CASR: variants seen among roughly 807,000 people sequenced by gnomAD.
CASR encodes extracellular calcium-sensing receptor.
Under a neutral mutation model 69.1 loss-of-function variants are expected in CASR, and 23 were observed. The observed-to-expected ratio is 0.33, with a 90% CI of 0.24 to 0.47. CASR has a LOEUF of 0.47. Ranked by LOEUF, CASR falls within the 20% of genes least tolerant of loss-of-function variation. The pLI is 1.00. For missense variants in CASR, 924 were observed against 1,356.1 expected, an observed-to-expected ratio of 0.68 and a Z score of 5.00; for synonymous variants, 541 against 544.7, an observed-to-expected ratio of 0.99 and a Z score of 0.10.
At chr3:122,228,588 T>G (rs757678696) in intron 1 of CASR, among the ~76,000 whole-genome samples, 2 of 152,196 alleles carry the variant, frequency 1.3e-5, no homozygotes, top group African/African-American at 4.8e-5. Flanking sequence ...TGGCTGGAAT[T>G]AGGAGCCTAA....
Position 122,291,093 on chromosome 3 carries a change from T to A in CASR, c.*5902T>A, listed in dbSNP as rs774130015. On this transcript the variant is annotated 3_prime_UTR_variant, in exon 7 of 7. Coordinates refer to ENST00000639785, the MANE Select transcript of CASR (RefSeq NM_000388.4). ...TTTATGGCTGCATAGTATTCCATGG[T>A]GTATATGTGCCACATTTTCTTAATC... 6.9e-6 allele frequency: 1 copy of A among 144,904 alleles called. No homozygotes were observed. The highest frequency in any genetic ancestry group is 3.5e-3 in the Middle Eastern group (1 of 284). The allele number at this position is 144,904 out of a possible 1,614,324, so 9.0% of individuals were successfully genotyped here.
chr3:122,211,117 C>T (rs1460031018), intron 1 of CASR, among the ~76,000 whole-genome samples: 1 of 152,116 alleles, frequency 6.6e-6, no homozygotes, highest in East Asian at 1.9e-4. Context: ...AAATTTAAAA[C>T]CTAAAACTAT....
chr3:122,260,030 T>A (rs1355726928), intron 3 of CASR, among the ~76,000 whole-genome samples: 4 of 152,196 alleles, frequency 2.6e-5, no homozygotes, highest in African/African-American at 4.8e-5. Flanking sequence ...AAATTCCATT[T>A]GTGTAAAAAT....
intron 1 of CASR, among the ~76,000 whole-genome samples, chr3:122,252,409 A>AG (rs1553765626): frequency 1.5e-4 from 1 of 6,474 alleles, no homozygotes; most frequent in Non-Finnish European, 3.8e-4. Context: ...GAAGGAAGGA[A>AG]AAAGAAAGAA....
At chr3:122,259,631 T>A (rs1412502898) in intron 3 of CASR, among the ~76,000 whole-genome samples, 1 of 145,324 alleles carries the variant, frequency 6.9e-6, no homozygotes, top group South Asian at 2.3e-4. Context: ...ATTGGAAATT[T>A]TTTTTTTTTT....
chr3:122,282,030 T>A (rs2074894611), intron 5 of CASR, 83 bp from the exon 6 acceptor site: 7 of 1,601,820 alleles, frequency 4.4e-6, no homozygotes, highest in Admixed American at 1.7e-5. Flanking sequence ...AACTCCTCCC[T>A]CTTACATGTT....
intron 1 of CASR, among the ~76,000 whole-genome samples, chr3:122,185,888 C>T (rs1015733733): frequency 6.6e-6 from 1 of 152,142 alleles, no homozygotes; most frequent in African/African-American, 2.4e-5. Context: ...CAGGCCAAGA[C>T]CCTTGAGTAG....
chr3:122,241,696 A>G (rs1251794169), intron 1 of CASR, among the ~76,000 whole-genome samples: 1 of 152,160 alleles, frequency 6.6e-6, no homozygotes, highest in East Asian at 1.9e-4. Flanking sequence ...GTACCCTGAT[A>G]CCAAAACCAG....
chr3:122,202,047 C>T (rs1045853023), intron 1 of CASR, among the ~76,000 whole-genome samples: 2 of 152,224 alleles, frequency 1.3e-5, no homozygotes, highest in African/African-American at 4.8e-5. Context: ...AATCTCGGCA[C>T]TTTGGGAGGC....
At chr3:122,246,652 G>T (rs1353923928) in intron 1 of CASR, 2 of 152,204 alleles carry the variant, frequency 1.3e-5, no homozygotes, top group Admixed American at 6.5e-5. Context: ...TAAATATTCA[G>T]ATTTTTTACA....
At chr3:122,221,145 C>T (rs2074165758) in intron 1 of CASR, among the ~76,000 whole-genome samples, 1 of 152,104 alleles carries the variant, frequency 6.6e-6, no homozygotes, top group South Asian at 2.1e-4. Flanking sequence ...CTAATTATTT[C>T]CAAATATTGG....
At chr3:122,228,802 G>A (rs920380987) in intron 1 of CASR, among the ~76,000 whole-genome samples, 9 of 152,164 alleles carry the variant, frequency 5.9e-5, no homozygotes, top group Non-Finnish European at 1.2e-4. Flanking sequence ...GTTGAAAGGG[G>A]AAGCTGAGAA....
At position 122,234,455 on chromosome 3, in the gene CASR, A is replaced by C. The variant is rs554614300; in HGVS notation, c.-242-19493A>C. Among the ~76,000 whole-genome samples, 17 of 152,340 alleles carry C rather than the reference A, an allele frequency of 1.1e-4. 1 individual carries two copies. In the South Asian group the frequency reaches 3.5e-3, roughly 32 times the overall value. ...TAATAACCTTTGCCCATTACTTTCT[A>C]AAGAGCTTACTTCTCATTAGACAGA... On this transcript the variant is annotated intron_variant, in intron 1 of 6. Transcript: ENST00000639785.
At chr3:122,234,737 A>G (rs373355779) in intron 1 of CASR, among the ~76,000 whole-genome samples, 128 of 152,340 alleles carry the variant, frequency 8.4e-4, no homozygotes, top group African/African-American at 2.7e-3. Context: ...ATGTGGACTA[A>G]TCCAACTTCA....
chr3:122,283,586 GA>G (rs1165518411), intron 6 of CASR, 100 bp from the exon 7 acceptor site: 40 of 906,374 alleles, frequency 4.4e-5, no homozygotes, highest in Non-Finnish European at 6.2e-5. Flanking sequence ...AATATGTAGT[GA>G]CCACATCCAA....
At chr3:122,266,051 T>G (rs1210496762) in intron 4 of CASR, among the ~76,000 whole-genome samples, 1 of 152,134 alleles carries the variant, frequency 6.6e-6, no homozygotes, top group African/African-American at 2.4e-5. Context: ...CTTCATTATC[T>G]TGTTCATTAT....
intron 5 of CASR, among the ~76,000 whole-genome samples, chr3:122,280,342 G>A (rs1356005446): frequency 1.3e-5 from 2 of 152,272 alleles, no homozygotes; most frequent in East Asian, 3.9e-4. Flanking sequence ...CATAATATTG[G>A]AAGTTCTGGC....
At chr3:122,186,071 A>G (rs2073780063) in intron 1 of CASR, among the ~76,000 whole-genome samples, 1 of 149,678 alleles carries the variant, frequency 6.7e-6, no homozygotes, top group Non-Finnish European at 1.5e-5. Context: ...CAAATCAACC[A>G]GTTTTTGTCT....
intron 1 of CASR, among the ~76,000 whole-genome samples, chr3:122,212,578 T>A (rs952423273): frequency 2.6e-5 from 4 of 152,164 alleles, no homozygotes; most frequent in Non-Finnish European, 5.9e-5. Context: ...TAAATAATTT[T>A]TTTAAAAAAA....
Sources: allele counts gnomAD v4.1 joint callset (sites outside exome capture counted in the v4.1 genomes callset), GRCh38; gene constraint gnomAD v4.1.1; transcripts MANE v1.5; gene names NCBI Gene and HGNC (gene_info 2026-07-23, HGNC 2026-07-21).